The following VPS13A variants were observed in gnomAD, a reference collection of about 807,000 sequenced individuals.
VPS13A encodes intermembrane lipid transfer protein VPS13A.
A neutral mutation model predicts 390.9 loss-of-function variants in VPS13A; 264 were observed. The ratio of observed to expected loss-of-function variants is 0.68; its 90% CI spans 0.61 to 0.75. The LOEUF is 0.75. Among genes scored for constraint, VPS13A ranks in the 30% least tolerant of loss-of-function variants. The pLI is 0.00. For missense variants in VPS13A, 3,409 were observed against 3,733.9 expected (o/e 0.91, Z 2.27); for synonymous variants, 1,231 against 1,227.1 (o/e 1.00, Z -0.07).
At chr9:77,317,730 G>A (rs765454805) in intron 40 of VPS13A, 32 bp downstream of exon 40, 2 of 1,502,204 alleles carry the variant, frequency 1.3e-6, no homozygotes, top group Non-Finnish European at 1.8e-6. Context: ...TGAATATTTA[G>A]TGCACTTAAA....
chr9:77,336,262 T>C (rs917335061), intron 46 of VPS13A, among the ~76,000 whole-genome samples: 1 of 152,094 alleles, frequency 6.6e-6, no homozygotes, highest in African/African-American at 2.4e-5. Context: ...AGATGATCGA[T>C]TGATGGCTGC....
At chr9:77,187,503 T>C (rs1746004476) in intron 1 of VPS13A, among the ~76,000 whole-genome samples, 2 of 152,186 alleles carry the variant, frequency 1.3e-5, no homozygotes, top group South Asian at 4.1e-4. Flanking sequence ...CATGGGCTTA[T>C]TGACCATTTG....
chr9:77,252,172 A>G, intron 21 of VPS13A, 63 bp from the exon 22 acceptor site: 2 of 1,271,496 alleles, frequency 1.6e-6, no homozygotes, highest in Non-Finnish European at 2.3e-6. Context: ...ATGAAGTATT[A>G]ATAGTTATTT....
rs1230518294 is a variant in VPS13A at position 77,340,278 on chromosome 9, A to G, written c.6875A>G (p.Tyr2292Cys). ...AVKCKGLKMD[Y>C]QVGVTIDLSS... Reference sequence around the variant, plus strand: ...AAATGTAAAGGCCTGAAAATGGACTATCAAGTGAGTTCATTCTATGCTTAT... The same window carrying G: ...AAATGTAAAGGCCTGAAAATGGACTGTCAAGTGAGTTCATTCTATGCTTAT... The change falls in exon 49 of 72, where the codon TAT becomes TGT. Residue 2292 changes from tyrosine (Y) to cysteine (C), a missense_variant. Coordinates refer to ENST00000360280, the MANE Select transcript of VPS13A (RefSeq NM_033305.3). The G allele has an allele frequency of 1.9e-6, 3 of 1,612,292 alleles. No homozygotes were observed. The highest frequency in any genetic ancestry group is 2.2e-5 in the East Asian group (1 of 44,732).
At chr9:77,201,479 A>T (rs956992701) in intron 3 of VPS13A, 72 bp downstream of exon 3, 11 of 1,190,058 alleles carry the variant, frequency 9.2e-6, no homozygotes, top group Non-Finnish European at 1.4e-5. Flanking sequence ...TAATATATCT[A>T]TTATGTGATA....
intron 39 of VPS13A, among the ~76,000 whole-genome samples, chr9:77,317,017 A>G (rs1829436894): frequency 6.6e-6 from 1 of 152,064 alleles, no homozygotes; most frequent in Admixed American, 6.6e-5. Context: ...TGAAGGAGTA[A>G]TAGAAGCATA....
At chr9:77,337,963 AT>A in intron 47 of VPS13A, 1 of 155,428 alleles carries the variant, frequency 6.4e-6, no homozygotes, top group South Asian at 2.0e-4. Context: ...TACTTTTAGA[AT>A]TACCATTTGC....
At chr9:77,196,724 A>G (rs949493080) in intron 1 of VPS13A, among the ~76,000 whole-genome samples, 1 of 151,800 alleles carries the variant, frequency 6.6e-6, no homozygotes, top group Non-Finnish European at 1.5e-5. Context: ...TATATATACC[A>G]CATTTTCTTT....
At chr9:77,262,378 GC>G (rs1480994759) in intron 23 of VPS13A, among the ~76,000 whole-genome samples, 1 of 151,910 alleles carries the variant, frequency 6.6e-6, no homozygotes, top group Non-Finnish European at 1.5e-5. Flanking sequence ...ATGTTTAAAT[GC>G]TTTTCTTTTG....
intron 41 of VPS13A, among the ~76,000 whole-genome samples, chr9:77,319,209 AG>A (rs1292093491): frequency 6.8e-6 from 1 of 146,722 alleles, no homozygotes; most frequent in Non-Finnish European, 1.5e-5. Context: ...AAAAAAAAAA[AG>A]AAAAGAAAAG....
In VPS13A at chr9:77,196,842, T is replaced by C. The variant is rs192489493; in HGVS notation, c.101-3103T>C. ...CTCTTCAACAAACTGATTTCATTTC[T>C]TTGGGATATTTATACATTAGTGGGA... On this transcript the variant is annotated intron_variant, in intron 1 of 71. Coordinates refer to ENST00000360280, the MANE Select transcript of VPS13A (RefSeq NM_033305.3). 4.3e-3 allele frequency among the ~76,000 whole-genome samples: 648 copies of C among 152,280 alleles called. 4 individuals are homozygous for C. Among genetic ancestry groups the C allele is most frequent in the South Asian group, 0.01 (50 of 4,826 alleles).
chr9:77,193,764 A>G (rs559009519), intron 1 of VPS13A, among the ~76,000 whole-genome samples: 29 of 152,272 alleles, frequency 1.9e-4, no homozygotes, highest in Non-Finnish European at 3.7e-4. Context: ...TTGTGGGCTG[A>G]TGTTCCTTTA....
intron 71 of VPS13A, 66 bp from the exon 72 acceptor site, chr9:77,415,890 C>T: frequency 6.4e-7 from 1 of 1,569,098 alleles, no homozygotes; most frequent in Non-Finnish European, 8.8e-7. Context: ...GATCTCCATT[C>T]ATTACATTTT....
intron 70 of VPS13A, among the ~76,000 whole-genome samples, chr9:77,406,721 C>CTTT (rs200930391): frequency 6.9e-6 from 1 of 144,324 alleles, no homozygotes; most frequent in Non-Finnish European, 1.5e-5. Context: ...CCAGCCTCAT[C>CTTT]TTTTTTTTTT....
chr9:77,317,552 G>T, intron 39 of VPS13A, 54 bp from the exon 40 acceptor site: 3 of 1,322,730 alleles, frequency 2.3e-6, no homozygotes, highest in Non-Finnish European at 2.1e-6. Context: ...TCTTTAAATA[G>T]AAATATTTTT....
intron 23 of VPS13A, among the ~76,000 whole-genome samples, chr9:77,267,934 A>G (rs544055685): frequency 8.6e-4 from 131 of 152,322 alleles, no homozygotes; most frequent in South Asian, 2.3e-3. Context: ...GCTCCGCCCA[A>G]TTTGAACTTC....
At position 77,335,180 on chromosome 9, in the gene VPS13A, A is replaced by G. The variant is rs56816466; in HGVS notation, c.6096-2075A>G. 3.6e-3 allele frequency among the ~76,000 whole-genome samples: 556 copies of G among 152,358 alleles called. 3 individuals are homozygous for G. The highest frequency in any genetic ancestry group is 0.013 in the African/African-American group (529 of 41,582). ...TAGTTTTACAAATATAAAAATATTT[A>G]TGAAATGTTTATTCTTGGCTACAGT... On this transcript the variant is annotated intron_variant, in intron 46 of 71. Coordinates refer to ENST00000360280, the MANE Select transcript of VPS13A (RefSeq NM_033305.3).
intron 26 of VPS13A, among the ~76,000 whole-genome samples, chr9:77,276,839 T>C (rs975860088): frequency 2.0e-5 from 3 of 152,220 alleles, no homozygotes; most frequent in Admixed American, 6.5e-5. Context: ...CTCTTCTGTG[T>C]TTTGCTTCCA....
chr9:77,413,494 G>A (rs1835033761), intron 71 of VPS13A, among the ~76,000 whole-genome samples: 1 of 152,164 alleles, frequency 6.6e-6, no homozygotes, highest in African/African-American at 2.4e-5. Context: ...ATGGGGAAAG[G>A]ATTCCCTATT....
Sources: allele counts gnomAD v4.1 joint callset (sites outside exome capture counted in the v4.1 genomes callset), GRCh38; gene constraint gnomAD v4.1.1; transcripts MANE v1.5; gene names NCBI Gene and HGNC (gene_info 2026-07-23, HGNC 2026-07-21).